Variants in SYNPR observed in about 807,000 individuals in gnomAD.
SYNPR encodes the protein synaptoporin.
A neutral mutation model predicts 32.9 loss-of-function variants in SYNPR; 23 were observed. That is an observed-to-expected ratio of 0.70 (90% CI 0.50 to 0.99). The LOEUF (loss-of-function observed/expected upper bound fraction) is 0.99, where lower values mean the gene tolerates loss of function less well. Ranked by LOEUF, SYNPR falls within the 50% of genes least tolerant of loss-of-function variation. The pLI, the probability that SYNPR is intolerant of heterozygous loss-of-function variation, is 0.00. For missense variants in SYNPR, 318 were observed against 349.3 expected (o/e 0.91, Z 0.71); for synonymous variants, 146 against 135.9 (o/e 1.07, Z -0.52).
intron 1 of SYNPR, among the ~76,000 whole-genome samples, chr3:63,240,157 C>T (rs924214296): frequency 2.6e-5 from 4 of 152,068 alleles, no homozygotes; most frequent in Admixed American, 6.6e-5. Context: ...ACATTAGAGA[C>T]TTAACATGCA....
chr3:63,513,116 C>T (rs56307743), intron 3 of SYNPR, among the ~76,000 whole-genome samples: 32,224 of 150,464 alleles, frequency 0.21, 3,751 homozygotes, highest in Non-Finnish European at 0.26. Flanking sequence ...AGAAAAAGAT[C>T]ATGAGGGGGC....
intron 3 of SYNPR, among the ~76,000 whole-genome samples, chr3:63,527,149 C>A (rs189012572): frequency 5.3e-5 from 8 of 152,114 alleles, no homozygotes; most frequent in African/African-American, 1.9e-4. Context: ...CAGAACAAAC[C>A]CAGGCGGAAT....
intron 2 of SYNPR, among the ~76,000 whole-genome samples, chr3:63,400,510 G>A (rs1018554485): frequency 6.6e-6 from 1 of 152,224 alleles, no homozygotes; most frequent in African/African-American, 2.4e-5. Context: ...TCTCCACAAG[G>A]CTGCTTGTAT....
chr3:63,472,610 G>A (rs1290770283), intron 2 of SYNPR, among the ~76,000 whole-genome samples: 2 of 151,900 alleles, frequency 1.3e-5, no homozygotes, highest in African/African-American at 4.8e-5. Flanking sequence ...GTGAGCCACC[G>A]ACAATGTTTT....
chr3:63,282,026 T>C (rs1358843084), intron 2 of SYNPR, among the ~76,000 whole-genome samples: 1 of 152,158 alleles, frequency 6.6e-6, no homozygotes, highest in East Asian at 1.9e-4. Flanking sequence ...TTCTGGAACA[T>C]ATTAATTAAA....
At chr3:63,490,935 T>A (rs1701247190) in intron 3 of SYNPR, among the ~76,000 whole-genome samples, 1 of 152,062 alleles carries the variant, frequency 6.6e-6, no homozygotes, top group Admixed American at 6.5e-5. Context: ...AGCTAATTTT[T>A]GTATTTTTAG....
chr3:63,556,732 C>T lies in SYNPR; in HGVS notation c.399C>T (p.Gly133=). 1 of 1,611,412 alleles carries T rather than the reference C, an allele frequency of 6.2e-7. No homozygotes were observed. The change falls in exon 4 of 6, where the codon GGC becomes GGT. Residue 133 remains glycine (G), a synonymous_variant. Coordinates refer to ENST00000478300, the MANE Select transcript of SYNPR (RefSeq NM_001130003.2). The stretch of plus-strand genomic sequence containing the variant: ...ACAAATACCGGGAAAACAACCGGGG[C>T]CCACTCATTGTAAGTGGTTTTCTTT... ...FQNKYRENNR[G]PLIDFIVTVV...
chr3:63,205,248 A>C, the SYNPR span, among the ~76,000 whole-genome samples: 1 of 152,304 alleles, frequency 6.6e-6, no homozygotes, highest in East Asian at 1.9e-4. Context: ...CACTTAGCAG[A>C]CAGTACCTGG....
chr3:63,409,509 T>C (rs796613425), intron 2 of SYNPR, among the ~76,000 whole-genome samples: 16 of 152,250 alleles, frequency 1.1e-4, no homozygotes, highest in African/African-American at 3.9e-4. Context: ...CTGACATTAA[T>C]CCTGGGCTCT....
intron 2 of SYNPR, among the ~76,000 whole-genome samples, chr3:63,311,015 C>G (rs1418570099): frequency 9.2e-6 from 1 of 108,958 alleles, no homozygotes; most frequent in South Asian, 3.0e-4. Flanking sequence ...TATGTGGTAT[C>G]CTTCCCACAT....
rs147214806 is a variant in SYNPR at position 63,419,765 on chromosome 3, T to G, written c.85-61067T>G. On this transcript the variant is annotated intron_variant, in intron 2 of 5. Transcript: ENST00000478300. ...ACAGACTGCAGAAGGTGATTTTCCA[T>G]GAAAGGCATGTGAAGCTCTCATGTG... 1.8e-3 allele frequency among the ~76,000 whole-genome samples: 278 copies of G among 152,294 alleles called. 2 individuals are homozygous for G. Among genetic ancestry groups the G allele is most frequent in the African/African-American group, 6.3e-3 (261 of 41,572 alleles).
chr3:63,486,607 G>A (rs1424713970), intron 3 of SYNPR, among the ~76,000 whole-genome samples: 1 of 152,180 alleles, frequency 6.6e-6, no homozygotes, highest in African/African-American at 2.4e-5. Flanking sequence ...CACTGGCATT[G>A]TGTGAGAACA....
the SYNPR span, among the ~76,000 whole-genome samples, chr3:63,208,031 GCAAACACACACA>G: frequency 2.1e-5 from 3 of 145,444 alleles, no homozygotes; most frequent in Non-Finnish European, 3.1e-5. Flanking sequence ...AATTCTACGT[GCAAACACACACA>G]CAAACACACA....
chr3:63,608,876 C>A (rs1700159343), intron 4 of SYNPR, among the ~76,000 whole-genome samples: 1 of 151,944 alleles, frequency 6.6e-6, no homozygotes, highest in African/African-American at 2.4e-5. Flanking sequence ...GTTATAAAGT[C>A]CTTAGCATCA....
chr3:63,457,124 C>A (rs1700497591), intron 2 of SYNPR, among the ~76,000 whole-genome samples: 1 of 151,206 alleles, frequency 6.6e-6, no homozygotes, highest in African/African-American at 2.4e-5. Context: ...TGTAGCTTGC[C>A]TTGAAGTACC....
At chr3:63,309,757 A>G (rs1178080104) in intron 2 of SYNPR, among the ~76,000 whole-genome samples, 1 of 151,818 alleles carries the variant, frequency 6.6e-6, no homozygotes, top group South Asian at 2.1e-4. Context: ...GACCACTCCT[A>G]TGCTGAATAC....
At chr3:63,470,178 AG>A (rs200633472) in intron 2 of SYNPR, among the ~76,000 whole-genome samples, 4,442 of 152,324 alleles carry the variant, frequency 0.029, 87 homozygotes, top group South Asian at 0.076. Context: ...TCTGTAAAAA[AG>A]TATATACTGT....
At chr3:63,246,280 G>A (rs1167011663) in intron 1 of SYNPR, among the ~76,000 whole-genome samples, 1 of 152,082 alleles carries the variant, frequency 6.6e-6, no homozygotes, top group Non-Finnish European at 1.5e-5. Context: ...ACTCCCTGGA[G>A]TCCCCCAGAT....
chr3:63,503,407 A>C (rs1051329302), intron 3 of SYNPR, among the ~76,000 whole-genome samples: 1 of 152,060 alleles, frequency 6.6e-6, no homozygotes, highest in Non-Finnish European at 1.5e-5. Flanking sequence ...TGTCTTCTTC[A>C]TTCTCTTTAT....
Sources: gnomAD v4.1 joint callset for allele counts (sites outside exome capture counted in the v4.1 genomes callset) on GRCh38, gnomAD v4.1.1 for gene constraint, MANE v1.5 for transcripts, NCBI Gene and HGNC (gene_info 2026-07-23, HGNC 2026-07-21) for gene names.